Variants in ITFG1 observed in about 807,000 individuals in gnomAD.
The protein encoded by ITFG1 is T-cell immunomodulatory protein.
A neutral mutation model predicts 81.8 loss-of-function variants in ITFG1; 34 were observed. That is an observed-to-expected ratio of 0.42 (90% confidence interval 0.32 to 0.55). ITFG1 has a LOEUF of 0.55. ITFG1 is among the 20% of genes least tolerant of loss of function. The pLI, the probability that ITFG1 is intolerant of heterozygous loss-of-function variation, is 0.17. For missense variants in ITFG1, 672 were observed against 755.4 expected (o/e 0.89, Z 1.29); for synonymous variants, 285 against 270.6 (o/e 1.05, Z -0.52).
At chr16:47,175,394 TAAAC>T (rs949061247) in intron 14 of ITFG1, among the ~76,000 whole-genome samples, 24 of 151,636 alleles carry the variant, frequency 1.6e-4, no homozygotes, top group Middle Eastern at 3.4e-3. Context: ...TTTAATTAAA[TAAAC>T]AAGAAAAGTG....
intron 8 of ITFG1, among the ~76,000 whole-genome samples, chr16:47,327,583 A>G (rs1397980118): frequency 1.3e-5 from 2 of 152,200 alleles, no homozygotes; most frequent in South Asian, 2.1e-4. Context: ...TCATCTGACA[A>G]AGGGCTAATA....
In ITFG1 at chr16:47,263,356, C is replaced by T. The variant is rs1596845341; in HGVS notation, c.1071-2661G>A. ...CCTATGATCTGGCCCATGAGGTAAG[C>T]TACCAAGCCATCTACCAAGCCACCT... is the stretch of plus-strand genomic sequence containing the variant. On this transcript the variant is annotated intron_variant, in intron 10 of 17. Coordinates refer to ENST00000320640, the MANE Select transcript of ITFG1 (RefSeq NM_030790.5). The T allele has an allele frequency of 8.3e-6, 4 of 481,820 alleles. No homozygotes were observed. In the East Asian group the frequency reaches 2.6e-4, roughly 31 times the overall value. The allele number at this position is 481,820 out of a possible 1,614,324, so 29.8% of individuals were successfully genotyped here.
chr16:47,341,079 T>G (rs896683088), intron 8 of ITFG1, among the ~76,000 whole-genome samples: 6 of 151,840 alleles, frequency 4.0e-5, no homozygotes, highest in African/African-American at 1.5e-4. Flanking sequence ...TAACACACTC[T>G]AAACAACCAA....
chr16:47,181,960 T>C (rs1218771591), intron 14 of ITFG1, among the ~76,000 whole-genome samples: 1 of 152,168 alleles, frequency 6.6e-6, no homozygotes, highest in African/African-American at 2.4e-5. Flanking sequence ...AGATGTGCTT[T>C]GTTAAACAGA....
At chr16:47,231,948 T>A (rs368569047) in intron 13 of ITFG1, among the ~76,000 whole-genome samples, 2 of 152,106 alleles carry the variant, frequency 1.3e-5, no homozygotes, top group Admixed American at 6.5e-5. Context: ...AAGCTCCCCA[T>A]AGGAGAAAGA....
At position 47,315,561 on chromosome 16, in the gene ITFG1, T is replaced by C. The variant is rs116444742; in HGVS notation, c.803-1738A>G. On this transcript the variant is annotated intron_variant, in intron 8 of 17. Coordinates refer to ENST00000320640, the MANE Select transcript of ITFG1 (RefSeq NM_030790.5). ...TCCCCTAGTTTCTCTTTCTTCCAAG[T>C]AGTTTCATATATCTCATGCCTCTTT... Among the ~76,000 whole-genome samples the C allele has an allele frequency of 3.3e-3, 495 of 152,282 alleles. 3 individuals carry two copies. The highest frequency in any genetic ancestry group is 0.011 in the African/African-American group (467 of 41,548).
chr16:47,253,436 T>C (rs571627765), intron 12 of ITFG1, among the ~76,000 whole-genome samples: 1 of 152,130 alleles, frequency 6.6e-6, no homozygotes, highest in African/African-American at 2.4e-5. Flanking sequence ...TAGTTTGCTG[T>C]CTCACTATTT....
In ITFG1 at chr16:47,292,174, C is replaced by T. The variant is rs965020186; in HGVS notation, c.1070+19066G>A. On this transcript the variant is annotated intron_variant, in intron 10 of 17. Coordinates refer to ENST00000320640, the MANE Select transcript of ITFG1 (RefSeq NM_030790.5). ...GATTACAGGCGCCCGCCACCACACC[C>T]AGCTAAGTTTTGTATTTTTAGTAGA... Among the ~76,000 whole-genome samples the T allele has an allele frequency of 5.9e-5, 9 of 152,164 alleles. 1 individual carries two copies. Among genetic ancestry groups the T allele is most frequent in the Admixed American group, 5.9e-4 (9 of 15,280 alleles).
At chr16:47,459,016 G>T in intron 2 of ITFG1, 87 bp downstream of exon 2, 1 of 832,694 alleles carries the variant, frequency 1.2e-6, no homozygotes, top group Non-Finnish European at 2.0e-6. Flanking sequence ...CACTAAGGCT[G>T]ACTTTAAAGA....
At chr16:47,323,574 T>C (rs1389916448) in intron 8 of ITFG1, among the ~76,000 whole-genome samples, 1 of 152,212 alleles carries the variant, frequency 6.6e-6, no homozygotes, top group African/African-American at 2.4e-5. Flanking sequence ...TTTCATAAAT[T>C]CTTTTATAAG....
intron 6 of ITFG1, among the ~76,000 whole-genome samples, chr16:47,395,643 T>A (rs1968583969): frequency 6.6e-6 from 1 of 152,168 alleles, no homozygotes; most frequent in African/African-American, 2.4e-5. Context: ...GGAAACACTG[T>A]ATAATAAAAG....
At chr16:47,248,468 G>A (rs1966027928) in intron 12 of ITFG1, among the ~76,000 whole-genome samples, 1 of 152,062 alleles carries the variant, frequency 6.6e-6, no homozygotes, top group Non-Finnish European at 1.5e-5. Context: ...AAGTTCTCTG[G>A]CATAATCAAA....
chr16:47,435,716 C>T (rs945384402), intron 5 of ITFG1, among the ~76,000 whole-genome samples: 13 of 152,294 alleles, frequency 8.5e-5, no homozygotes, highest in African/African-American at 3.1e-4. Flanking sequence ...GAAGAATCTA[C>T]TTCTCCAGGC....
intron 14 of ITFG1, among the ~76,000 whole-genome samples, chr16:47,196,949 AAAC>A (rs879933085): frequency 3.3e-5 from 5 of 152,184 alleles, no homozygotes; most frequent in African/African-American, 4.8e-5. Context: ...AAACAAAACA[AAAC>A]AACAACAACA....
At chr16:47,406,322 A>C (rs1212845630) in intron 6 of ITFG1, among the ~76,000 whole-genome samples, 3 of 152,226 alleles carry the variant, frequency 2.0e-5, no homozygotes. Context: ...TCCCACAGCC[A>C]AAGTATCTAA....
intron 6 of ITFG1, among the ~76,000 whole-genome samples, chr16:47,408,474 C>T (rs575173552): frequency 6.6e-6 from 1 of 152,196 alleles, no homozygotes; most frequent in African/African-American, 2.4e-5. Flanking sequence ...GATATCTTTC[C>T]AGTTTTACAA....
At chr16:47,210,673 C>G (rs1047535615) in intron 14 of ITFG1, among the ~76,000 whole-genome samples, 5 of 152,136 alleles carry the variant, frequency 3.3e-5, no homozygotes, top group African/African-American at 1.2e-4. Context: ...TGTCCATGAT[C>G]CACTTTGAAT....
intron 17 of ITFG1, among the ~76,000 whole-genome samples, chr16:47,158,092 T>A (rs1477416495): frequency 6.6e-6 from 1 of 152,152 alleles, no homozygotes. Context: ...AAAAGATGTT[T>A]ATGGCTTTTT....
intron 9 of ITFG1, chr16:47,312,530 A>T (rs955096403): frequency 1.3e-5 from 2 of 152,202 alleles, no homozygotes; most frequent in Non-Finnish European, 2.9e-5. Flanking sequence ...AAAGGTATGC[A>T]TCTTTAATAA....
Sources: gnomAD v4.1 joint callset for allele counts (sites outside exome capture counted in the v4.1 genomes callset) on GRCh38, gnomAD v4.1.1 for gene constraint, MANE v1.5 for transcripts, NCBI Gene and HGNC (gene_info 2026-07-23, HGNC 2026-07-21) for gene names.